The following TBXAS1 variants were observed in gnomAD, a reference collection of about 807,000 sequenced individuals.
TBXAS1 encodes thromboxane A synthase 1, also known as thromboxane-A synthase.
Under a neutral mutation model 60.7 loss-of-function variants are expected in TBXAS1, and 48 were observed. The observed-to-expected ratio is 0.79, with a 90% CI of 0.63 to 1.01. The LOEUF is 1.01. TBXAS1 is among the 50% of genes least tolerant of loss of function. TBXAS1 has a pLI of 0.00. For missense variants in TBXAS1, 685 were observed against 686.3 expected (o/e 1.00, Z 0.02); for synonymous variants, 287 against 269.7 (o/e 1.06, Z -0.63).
Position 139,852,531 on chromosome 7 carries a change from T to A in TBXAS1, c.90-19704T>A, listed in dbSNP as rs1424484883. ...TACAATTTCCAGCTAGACCCACAAT[T>A]GATCATTATAGCTAAGAGATGATCA... On this transcript the variant is annotated intron_variant, in intron 1 of 12. Coordinates refer to ENST00000448866, the MANE Select transcript of TBXAS1 (RefSeq NM_001061.7). The surrounding 1 kb of genome is among the most constrained non-coding windows in gnomAD (Gnocchi z 4.4). 1.3e-5 allele frequency among the ~76,000 whole-genome samples: 2 copies of A among 152,178 alleles called. No homozygotes were observed. The highest frequency in any genetic ancestry group is 2.9e-5 in the Non-Finnish European group (2 of 68,024).
At chr7:139,807,484 A>G (rs1797908645) in intron 4 of TBXAS1, among the ~76,000 whole-genome samples, 4 of 151,984 alleles carry the variant, frequency 2.6e-5, no homozygotes, top group African/African-American at 9.7e-5. Context: ...CCCGGGTTCA[A>G]GTGATTCTCC....
chr7:139,915,916 C>A (rs868113125), intron 4 of TBXAS1, among the ~76,000 whole-genome samples: 1 of 152,206 alleles, frequency 6.6e-6, no homozygotes, highest in Non-Finnish European at 1.5e-5. Context: ...TCATCTTGCT[C>A]ATTTTCCACG....
intron 1 of TBXAS1, among the ~76,000 whole-genome samples, chr7:139,780,363 A>G (rs1287792328): frequency 4.6e-5 from 7 of 152,232 alleles, no homozygotes; most frequent in African/African-American, 1.4e-4. Flanking sequence ...TTTAATAACC[A>G]TGGGTGGTTA....
chr7:139,985,388 G>A (rs1191548161), intron 9 of TBXAS1, among the ~76,000 whole-genome samples: 2 of 152,208 alleles, frequency 1.3e-5, no homozygotes, highest in Non-Finnish European at 2.9e-5. Flanking sequence ...GTGGGCTGAT[G>A]GTGTGGAGTA....
intron 11 of TBXAS1, among the ~76,000 whole-genome samples, chr7:140,017,012 C>G (rs1440561414): frequency 6.6e-6 from 1 of 152,282 alleles, no homozygotes; most frequent in Non-Finnish European, 1.5e-5. Flanking sequence ...CCTAGCTTCA[C>G]TGTCATGGGA....
intron 4 of TBXAS1, among the ~76,000 whole-genome samples, chr7:139,817,875 T>A (rs1177958905): frequency 6.6e-6 from 1 of 152,232 alleles, no homozygotes; most frequent in African/African-American, 2.4e-5. Context: ...TTAATTTATG[T>A]CAAGTGTTCT....
At chr7:140,002,921 CGAGACCAGCCTG>C (rs1813774444) in intron 9 of TBXAS1, among the ~76,000 whole-genome samples, 1 of 151,806 alleles carries the variant, frequency 6.6e-6, no homozygotes, top group Admixed American at 6.6e-5. Context: ...GTCAGGAGTT[CGAGACCAGCCTG>C]ACCAACACGG....
intron 5 of TBXAS1, among the ~76,000 whole-genome samples, chr7:139,944,694 C>A (rs571475422): frequency 6.6e-6 from 1 of 152,272 alleles, no homozygotes; most frequent in South Asian, 2.1e-4. Context: ...GCAGCGGTGT[C>A]CACTGTGGCT....
intron 9 of TBXAS1, among the ~76,000 whole-genome samples, chr7:140,003,391 G>C (rs1417758075): frequency 6.6e-6 from 1 of 152,050 alleles, no homozygotes; most frequent in African/African-American, 2.4e-5. Context: ...TTTTAGTAGA[G>C]ACAGGGTTTC....
At chr7:139,932,859 C>T (rs1158924810) in intron 4 of TBXAS1, among the ~76,000 whole-genome samples, 2 of 152,054 alleles carry the variant, frequency 1.3e-5, no homozygotes, top group Non-Finnish European at 1.5e-5. Flanking sequence ...GAGTTCAAGA[C>T]CAGCCTGGTC....
chr7:139,842,506 T>G lies in TBXAS1; in HGVS notation c.89+13027T>G, dbSNP rs79093610. Among the ~76,000 whole-genome samples, 449 of 152,314 alleles carry G rather than the reference T, an allele frequency of 2.9e-3. 6 individuals are homozygous for G. Among genetic ancestry groups the G allele is most frequent in the East Asian group, 6.9e-3 (36 of 5,190 alleles). ...CCCTGGTAGCCTTATATGGACTTGT[T>G]TTTTGGTTGCCGGAATAACATGCAT... On this transcript the variant is annotated intron_variant, in intron 1 of 12. Transcript: ENST00000448866.
Position 139,971,423 on chromosome 7 carries a change from AATCG to A in TBXAS1, c.1134+9194_1134+9197del, listed in dbSNP as rs1355784346. ...CACAAGTTCCCAAAGCAGGGTGACCAATCGATCTGGATCAGGTGGCAGGGCCTCG... is the reference window on the plus strand; with the variant it reads ...CACAAGTTCCCAAAGCAGGGTGACCAATCTGGATCAGGTGGCAGGGCCTCG... On this transcript the variant is annotated intron_variant, in intron 9 of 12. Transcript: ENST00000448866. Among the ~76,000 whole-genome samples, 4 of 101,886 alleles carry A rather than the reference AATCG, an allele frequency of 3.9e-5. No homozygotes were observed. The South Asian group carries it at 1.2e-3, about 31-fold the overall frequency. 66.8% of individuals were successfully genotyped at this position (101,886 alleles called of 152,430 possible). A position where few individuals can be genotyped will look rare whatever the true frequency, so the allele number is the denominator to read the frequency against.
At chr7:139,779,757 T>C (rs1796921644) in intron 1 of TBXAS1, among the ~76,000 whole-genome samples, 2 of 152,224 alleles carry the variant, frequency 1.3e-5, no homozygotes. Context: ...CAGGTGGGGC[T>C]GAGTGCCTTG....
rs565114325 is a variant in TBXAS1 at position 139,779,908 on chromosome 7, C to T, written c.-317-832C>T. ...CTCTGTCACTGTGCCTTTGCCCAAG[C>T]GGTCACTTTCCCACCCACTTTCCCA... On this transcript the variant is annotated intron_variant, in intron 1 of 16. Transcript: ENST00000336425. Among the ~76,000 whole-genome samples the T allele has an allele frequency of 9.7e-4, 147 of 152,298 alleles. 1 individual carries two copies. Among genetic ancestry groups the T allele is most frequent in the African/African-American group, 3.4e-3 (143 of 41,554 alleles).
intron 4 of TBXAS1, among the ~76,000 whole-genome samples, chr7:139,930,492 T>C (rs1807231802): frequency 6.6e-6 from 1 of 152,200 alleles, no homozygotes; most frequent in Non-Finnish European, 1.5e-5. Context: ...AGGTCAGCTC[T>C]CAAAGTCACA....
chr7:139,888,932 TAA>T (rs3216467), intron 3 of TBXAS1, among the ~76,000 whole-genome samples: 22 of 147,452 alleles, frequency 1.5e-4, no homozygotes, highest in Admixed American at 4.0e-4. Flanking sequence ...GGAATTGAGT[TAA>T]AAAAAAAAAC....
chr7:139,882,143 GTTTAC>G, intron 3 of TBXAS1, among the ~76,000 whole-genome samples: 1 of 152,260 alleles, frequency 6.6e-6, no homozygotes, highest in South Asian at 2.1e-4. Context: ...CATAGAGATG[GTTTAC>G]TTTAATACTG....
intron 3 of TBXAS1, among the ~76,000 whole-genome samples, chr7:139,901,225 T>G (rs1255439155): frequency 6.6e-6 from 1 of 151,904 alleles, no homozygotes; most frequent in Non-Finnish European, 1.5e-5. Context: ...ACAATTTACA[T>G]GTAAAATGGG....
intron 5 of TBXAS1, among the ~76,000 whole-genome samples, chr7:139,946,601 G>T (rs1172707822): frequency 6.6e-6 from 1 of 152,124 alleles, no homozygotes; most frequent in African/African-American, 2.4e-5. Context: ...GGCTCCAATG[G>T]GGAGTTGTCC....
Sources: allele counts gnomAD v4.1 joint callset (sites outside exome capture counted in the v4.1 genomes callset), GRCh38; gene constraint gnomAD v4.1.1; non-coding constraint Gnocchi (gnomAD v3.1); transcripts MANE v1.5; gene names NCBI Gene and HGNC (gene_info 2026-07-23, HGNC 2026-07-21).